Variants in ZMYM5 observed in about 807,000 individuals in gnomAD.
ZMYM5 encodes zinc finger MYM-type protein 5.
In ZMYM5, 41 loss-of-function variants were observed where a neutral mutation model predicts 61.8. That is an observed-to-expected ratio of 0.66 (90% CI 0.52 to 0.86). The LOEUF (loss-of-function observed/expected upper bound fraction) is 0.86, where lower values mean the gene tolerates loss of function less well. Among genes scored for constraint, ZMYM5 ranks in the 40% least tolerant of loss-of-function variants. The probability of loss-of-function intolerance (pLI) is 0.00; values close to 1 mark genes in which losing one functional copy is unlikely to be tolerated. For synonymous variants in ZMYM5, 257 were observed against 276.4 expected (o/e 0.93, Z 0.70); for missense variants, 706 against 786.7 (o/e 0.90, Z 1.23).
Position 19,824,750 on chromosome 13 carries a change from T to C in ZMYM5, c.1737A>G (p.Leu579=), listed in dbSNP as rs1370122769. 1 of 1,360,894 alleles carries C rather than the reference T, an allele frequency of 7.3e-7. No individual in the cohort carries two copies. The highest frequency in any genetic ancestry group is 9.8e-7 in the Non-Finnish European group (1 of 1,018,654). The allele number at this position is 1,360,894 out of a possible 1,614,324, so 84.3% of individuals were successfully genotyped here. A position where few individuals can be genotyped will look rare whatever the true frequency, so the allele number is the denominator to read the frequency against. Residue 579 remains leucine, a synonymous_variant, in exon 8 of 8, where the codon TTA becomes TTG. Coordinates refer to ENST00000337963, the MANE Select transcript of ZMYM5 (RefSeq NM_001142684.2). ...PNGEKTTRSW[L]LYSTSKDSVF... ...CAGAATCTTTTGAGGTTGAATAAAG[T>C]AACCAGGATCTAGTGGTTTTTTCAC...
intron 6 of ZMYM5, among the ~76,000 whole-genome samples, chr13:19,837,179 C>T (rs1203550892): frequency 1.3e-5 from 2 of 152,002 alleles, no homozygotes; most frequent in Admixed American, 6.6e-5. Context: ...CCACCACACC[C>T]AGCTAATTTT....
At chr13:19,840,120 G>T (rs1431195818) in intron 4 of ZMYM5, among the ~76,000 whole-genome samples, 3 of 152,286 alleles carry the variant, frequency 2.0e-5, no homozygotes, top group African/African-American at 7.2e-5. Context: ...CTATGATAAA[G>T]AATTATTTTG....
At chr13:19,838,261 C>T (rs1952738843) in intron 5 of ZMYM5, among the ~76,000 whole-genome samples, 1 of 152,060 alleles carries the variant, frequency 6.6e-6, no homozygotes, top group South Asian at 2.1e-4. Flanking sequence ...ACCTGTAATC[C>T]CAGCTACTCG....
At position 19,851,924 on chromosome 13, in the gene ZMYM5, G is replaced by A; in HGVS notation, c.257C>T (p.Ser86Leu). Residue 86 changes from serine to leucine, a missense_variant, in exon 3 of 8, where the codon TCA becomes TTA. Transcript: ENST00000337963. Reference sequence around the variant, plus strand: ...TCCTTGAGGCTTTTCATTTTTTGATGATGCAAATATGAAGTTTCTTTGATC... The same window carrying A: ...TCCTTGAGGCTTTTCATTTTTTGATAATGCAAATATGAAGTTTCTTTGATC... Reference protein sequence around the residue: ...IADQRNFIFASSKNEKPQGNY... With the variant: ...IADQRNFIFALSKNEKPQGNY... 6.2e-7 allele frequency: 1 copy of A among 1,612,436 alleles called. No homozygotes were observed. The highest frequency in any genetic ancestry group is 8.5e-7 in the Non-Finnish European group (1 of 1,179,656).
At chr13:19,862,009 C>A (rs1023670267) in intron 2 of ZMYM5, among the ~76,000 whole-genome samples, 1 of 152,104 alleles carries the variant, frequency 6.6e-6, no homozygotes, top group Non-Finnish European at 1.5e-5. Flanking sequence ...TGTCAGGGTA[C>A]ATAAATAACA....
At chr13:19,830,944 A>G (rs965144544) in intron 7 of ZMYM5, among the ~76,000 whole-genome samples, 3 of 145,752 alleles carry the variant, frequency 2.1e-5, no homozygotes, top group African/African-American at 7.7e-5. Flanking sequence ...AGTTCTCGCC[A>G]TTCTCCTGTC....
rs753717208 is a variant in ZMYM5 at position 19,851,750 on chromosome 13, G to A, written c.431C>T (p.Pro144Leu). 1.9e-6 allele frequency: 3 copies of A among 1,594,470 alleles called. No homozygotes were observed. Among genetic ancestry groups the A allele is most frequent in the African/African-American group, 1.4e-5 (1 of 73,618 alleles). Reference sequence around the variant, plus strand: ...ATCGTTGGTTTTGTTTTTAGTTCCAGGAAGTCCCCATTCGATAAAACAGGA... The same window carrying A: ...ATCGTTGGTTTTGTTTTTAGTTCCAAGAAGTCCCCATTCGATAAAACAGGA... Reference protein sequence around the residue: ...KSSCFIEWGLPGTKNKTNDLD... With the variant: ...KSSCFIEWGLLGTKNKTNDLD... The change falls in exon 3 of 8, where the codon CCT becomes CTT. Residue 144 changes from proline to leucine, a missense_variant. Physicochemically the swap from Pro to Leu is moderately conservative, Grantham distance 98. Around this residue, in one of 2 missense-constraint regions of ZMYM5, gnomAD observed 480 missense variants for 461.7 expected, o/e 1.04. Transcript: ENST00000337963.
chr13:19,863,027 C>A (rs1953830305), intron 1 of ZMYM5, among the ~76,000 whole-genome samples: 2 of 152,244 alleles, frequency 1.3e-5, no homozygotes, highest in Admixed American at 1.3e-4. Context: ...CAGAAGCCCT[C>A]GCCCGAAAAA....
chr13:19,841,110 G>A (rs1292886122), intron 4 of ZMYM5, among the ~76,000 whole-genome samples: 2 of 150,402 alleles, frequency 1.3e-5, no homozygotes, highest in Non-Finnish European at 3.0e-5. Context: ...GATTACAGGA[G>A]CACGCCACCA....
intron 7 of ZMYM5, among the ~76,000 whole-genome samples, chr13:19,833,959 T>A (rs1952596029): frequency 6.6e-6 from 1 of 152,094 alleles, no homozygotes. Flanking sequence ...GGGCAACATA[T>A]TGAGACCCAC....
At chr13:19,851,060 C>G (rs1453081835) in intron 4 of ZMYM5, among the ~76,000 whole-genome samples, 4 of 151,990 alleles carry the variant, frequency 2.6e-5, no homozygotes, top group Admixed American at 2.0e-4. Context: ...AACACAAAAA[C>G]TAGCCGAGTG....
At chr13:19,840,518 C>T (rs1952830846) in intron 4 of ZMYM5, among the ~76,000 whole-genome samples, 1 of 151,774 alleles carries the variant, frequency 6.6e-6, no homozygotes, top group Admixed American at 6.7e-5. Context: ...GGACAACAGG[C>T]ACATGCCATC....
In ZMYM5 at chr13:19,831,801, A is replaced by C. The variant is rs1296253429; in HGVS notation, c.1251+3676T>G. Among the ~76,000 whole-genome samples the C allele has an allele frequency of 6.6e-5, 10 of 150,602 alleles. 1 individual carries two copies. Among genetic ancestry groups the C allele is most frequent in the Admixed American group, 2.0e-4 (3 of 15,042 alleles). ...AGACTCTGTCTCAAAAAAAAAAAAA[A>C]AAAAAAAAAAAAACCATATGTATAG... On this transcript the variant is annotated intron_variant, in intron 7 of 7. Coordinates refer to ENST00000337963, the MANE Select transcript of ZMYM5 (RefSeq NM_001142684.2).
intron 7 of ZMYM5, 81 bp from the exon 8 acceptor site, chr13:19,825,316 T>C (rs763456915): frequency 2.2e-5 from 25 of 1,118,502 alleles, no homozygotes; most frequent in African/African-American, 3.3e-5. Context: ...AATAAGCACA[T>C]GCTCATCATT....
chr13:19,828,018 C>CAAAAAAAAAAAAAAA (rs66670324), intron 7 of ZMYM5, among the ~76,000 whole-genome samples: 1 of 65,872 alleles, frequency 1.5e-5, no homozygotes, highest in Non-Finnish European at 2.7e-5. Flanking sequence ...GACTCCATCT[C>CAAAAAAAAAAAAAAA]AAAAAAAAAA....
At chr13:19,849,604 G>C (rs1002767348) in intron 4 of ZMYM5, among the ~76,000 whole-genome samples, 3 of 152,086 alleles carry the variant, frequency 2.0e-5, no homozygotes, top group African/African-American at 7.2e-5. Flanking sequence ...CATATTTTCT[G>C]ATTTCTATGA....
At chr13:19,861,683 G>C (rs946450840) in intron 2 of ZMYM5, among the ~76,000 whole-genome samples, 1 of 151,884 alleles carries the variant, frequency 6.6e-6, no homozygotes. Context: ...CTGAATCCCA[G>C]ATAATAAAAA....
intron 4 of ZMYM5, among the ~76,000 whole-genome samples, chr13:19,840,562 C>T (rs1952833107): frequency 6.6e-6 from 1 of 151,874 alleles, no homozygotes; most frequent in Non-Finnish European, 1.5e-5. Flanking sequence ...TTTGTAGAGG[C>T]AAGGTCTCAC....
intron 4 of ZMYM5, among the ~76,000 whole-genome samples, chr13:19,842,347 T>C (rs1227345460): frequency 6.6e-6 from 1 of 152,182 alleles, no homozygotes; most frequent in Non-Finnish European, 1.5e-5. Context: ...GCCCGTTTTT[T>C]CTCTTGTACT....
Sources: gnomAD v4.1 joint callset for allele counts (sites outside exome capture counted in the v4.1 genomes callset) on GRCh38, gnomAD v4.1.1 for gene constraint, gnomAD v4.1.1 regional missense constraint, MANE v1.5 for transcripts, NCBI Gene and HGNC (gene_info 2026-07-23, HGNC 2026-07-21) for gene names.